Variants in EXOC6 observed in about 807,000 individuals in gnomAD.
The protein encoded by EXOC6 is exocyst complex component 6.
EXOC6 carries 60 observed loss-of-function variants against 112.5 expected under a neutral mutation model. That is an observed-to-expected ratio of 0.53 (90% CI 0.43 to 0.66). EXOC6 has a LOEUF of 0.66. Ranked by LOEUF, EXOC6 falls within the 30% of genes least tolerant of loss-of-function variation. The probability of loss-of-function intolerance (pLI) is 0.00; values close to 1 mark genes in which losing one functional copy is unlikely to be tolerated. For synonymous variants in EXOC6, 295 were observed against 308.0 expected (o/e 0.96, Z 0.44); for missense variants, 855 against 957.1 (o/e 0.89, Z 1.41).
At chr10:92,890,664 ATCTG>A (rs1849454724) in intron 1 of EXOC6, among the ~76,000 whole-genome samples, 1 of 151,854 alleles carries the variant, frequency 6.6e-6, no homozygotes, top group East Asian at 1.9e-4. Flanking sequence ...GTGTGTGTGT[ATCTG>A]TCTGTCTGCC....
intron 1 of EXOC6, among the ~76,000 whole-genome samples, chr10:92,881,603 C>T (rs189094606): frequency 6.6e-6 from 1 of 152,122 alleles, no homozygotes; most frequent in African/African-American, 2.4e-5. Context: ...AGGAATCTTC[C>T]TTTTTCTTGA....
At chr10:92,919,018 A>C (rs1468607219) in intron 7 of EXOC6, among the ~76,000 whole-genome samples, 1 of 152,148 alleles carries the variant, frequency 6.6e-6, no homozygotes, top group Non-Finnish European at 1.5e-5. Context: ...CTTTAAATTA[A>C]ATAAATATTT....
intron 18 of EXOC6, among the ~76,000 whole-genome samples, chr10:92,994,676 T>A (rs1380379887): frequency 6.6e-6 from 1 of 152,052 alleles, no homozygotes; most frequent in Non-Finnish European, 1.5e-5. Context: ...CTAGAGCGTC[T>A]CTAATGAAAA....
Position 92,899,634 on chromosome 10 carries a change from A to T in EXOC6, c.448A>T (p.Ser150Cys), listed in dbSNP as rs1220690966. ...GTACAGTAAGCTGAAAGAACAGATG[A>T]GTGCCAAAAGGTGAGTTGGTTTTTT... ...EMYSKLKEQM[S>C]AKRYYSALKT... The change falls in exon 5 of 22, where the codon AGT (serine) becomes TGT (cysteine). Residue 150 changes from serine to cysteine, a missense_variant. Ser to Cys is a moderately radical substitution (Grantham distance 112, BLOSUM62 -1). Around this residue, in one of 2 missense-constraint regions of EXOC6, gnomAD observed 405 missense variants for 393.6 expected, o/e 1.03. Transcript: ENST00000260762. The T allele has an allele frequency of 6.2e-7, 1 of 1,609,138 alleles. No individual in the cohort carries two copies. Among genetic ancestry groups the T allele is most frequent in the South Asian group, 1.1e-5 (1 of 89,916 alleles).
At chr10:92,958,053 G>A (rs948037324) in intron 17 of EXOC6, among the ~76,000 whole-genome samples, 37 of 152,112 alleles carry the variant, frequency 2.4e-4, no homozygotes, top group Non-Finnish European at 2.6e-4. Flanking sequence ...GCACACACAA[G>A]CTACCTGATC....
chr10:93,025,124 A>G (rs530545406), intron 20 of EXOC6, among the ~76,000 whole-genome samples: 199 of 152,330 alleles, frequency 1.3e-3, no homozygotes, highest in African/African-American at 4.2e-3. Flanking sequence ...TATTAAGTCT[A>G]TGTTTAACTT....
chr10:92,963,291 G>A (rs1299571647), intron 17 of EXOC6, among the ~76,000 whole-genome samples: 2 of 152,128 alleles, frequency 1.3e-5, no homozygotes, highest in African/African-American at 4.8e-5. Context: ...TCGATCTTCA[G>A]CTGTATCTGG....
chr10:92,881,509 G>A (rs546956036), intron 1 of EXOC6, among the ~76,000 whole-genome samples: 2 of 152,288 alleles, frequency 1.3e-5, no homozygotes, highest in South Asian at 4.1e-4. Context: ...CTGTATTAAA[G>A]TTGCCTGTGT....
intron 18 of EXOC6, among the ~76,000 whole-genome samples, chr10:92,991,870 G>T (rs1405210673): frequency 2.6e-5 from 4 of 152,110 alleles, no homozygotes; most frequent in Non-Finnish European, 5.9e-5. Context: ...ATAGTTGACT[G>T]TGGGATTGTG....
At chr10:93,001,842 C>A (rs1176758245) in intron 19 of EXOC6, among the ~76,000 whole-genome samples, 5 of 152,134 alleles carry the variant, frequency 3.3e-5, no homozygotes, top group Non-Finnish European at 7.3e-5. Context: ...CTTCTGAAGG[C>A]CAGACATCAA....
At chr10:92,968,288 G>C (rs1003317689) in intron 17 of EXOC6, among the ~76,000 whole-genome samples, 2 of 150,740 alleles carry the variant, frequency 1.3e-5, no homozygotes, top group Non-Finnish European at 2.9e-5. Flanking sequence ...GAGCTCAAGC[G>C]ATCCTCCCAC....
At chr10:92,869,770 T>G (rs912102913) in intron 1 of EXOC6, among the ~76,000 whole-genome samples, 1 of 152,140 alleles carries the variant, frequency 6.6e-6, no homozygotes, top group African/African-American at 2.4e-5. Context: ...TCATATAGTC[T>G]GTATTTAGAA....
upstream of EXOC6, among the ~76,000 whole-genome samples, chr10:92,844,447 G>C (rs1346926189): frequency 6.6e-6 from 1 of 152,152 alleles, no homozygotes; most frequent in African/African-American, 2.4e-5. Flanking sequence ...AGGATCCAGA[G>C]GGTTCACTAA....
chr10:93,050,759 C>CGAAAAAAAAA (rs1846243405), intron 20 of EXOC6, among the ~76,000 whole-genome samples: 1 of 37,306 alleles, frequency 2.7e-5, no homozygotes, highest in South Asian at 2.0e-3. Context: ...GACTCCGTCT[C>CGAAAAAAAAA]AAAAAAAAAA....
chr10:92,975,823 C>G (rs1189594596), intron 18 of EXOC6, among the ~76,000 whole-genome samples: 1 of 20,472 alleles, frequency 4.9e-5, no homozygotes, highest in African/African-American at 1.5e-4. Context: ...GGCCAGCCGC[C>G]CCGTCCGGGA....
intron 20 of EXOC6, among the ~76,000 whole-genome samples, chr10:93,029,617 G>A (rs1481022326): frequency 6.6e-6 from 1 of 152,130 alleles, no homozygotes; most frequent in Non-Finnish European, 1.5e-5. Flanking sequence ...GTCTTTTGAT[G>A]AGGAGAAGTT....
At chr10:92,877,055 C>G (rs889953464) in intron 1 of EXOC6, among the ~76,000 whole-genome samples, 22 of 152,098 alleles carry the variant, frequency 1.4e-4, no homozygotes, top group African/African-American at 5.3e-4. Flanking sequence ...TTTTTGTCAT[C>G]CCTGAACGGG....
intron 19 of EXOC6, among the ~76,000 whole-genome samples, chr10:93,000,456 A>G (rs1843708930): frequency 6.6e-6 from 1 of 152,164 alleles, no homozygotes; most frequent in African/African-American, 2.4e-5. Flanking sequence ...GTTTTCTTTA[A>G]GAGCTAGTCT....
chr10:92,915,761 C>A lies in EXOC6; in HGVS notation c.667C>A (p.Gln223Lys). The A allele has an allele frequency of 6.6e-7, 1 of 1,518,696 alleles. No individual in the cohort carries two copies. The highest frequency in any genetic ancestry group is 8.7e-7 in the Non-Finnish European group (1 of 1,145,148). The allele number at this position is 1,518,696 out of a possible 1,614,324, so 94.1% of individuals were successfully genotyped here. A position where few individuals can be genotyped will look rare whatever the true frequency, so the allele number is the denominator to read the frequency against. ...AATTTCTCTCTCTTCAAAATAGGCA[C>A]AGCATCAGAAAACCTTCAGTGTTTC... Reference protein sequence around the residue: ...KIGETAMKQAQHQKTFSVSLQ... With the variant: ...KIGETAMKQAKHQKTFSVSLQ... Residue 223 changes from glutamine (Q) to lysine (K), a missense_variant, in exon 7 of 22, where the codon CAG becomes AAG. Physicochemically the swap from Gln to Lys is moderately conservative, Grantham distance 53 (BLOSUM62 1). Transcript: ENST00000260762.
Sources: gnomAD v4.1 joint callset for allele counts (sites outside exome capture counted in the v4.1 genomes callset) on GRCh38, gnomAD v4.1.1 for gene constraint, gnomAD v4.1.1 regional missense constraint, MANE v1.5 for transcripts, NCBI Gene and HGNC (gene_info 2026-07-23, HGNC 2026-07-21) for gene names.